The following PCDHGA3 variants were observed in gnomAD, a reference collection of about 807,000 sequenced individuals.
PCDHGA3 encodes protocadherin gamma-A3.
A neutral mutation model predicts 58.5 loss-of-function variants in PCDHGA3; 40 were observed. The observed-to-expected ratio is 0.68, with a 90% CI of 0.53 to 0.89. The LOEUF (loss-of-function observed/expected upper bound fraction) is 0.89. Ranked by LOEUF, PCDHGA3 falls within the 40% of genes least tolerant of loss-of-function variation. PCDHGA3 has a pLI of 0.00. For missense variants in PCDHGA3, 1,223 were observed against 1,195.9 expected (o/e 1.02, Z -0.33); for synonymous variants, 530 against 525.7 (o/e 1.01, Z -0.11).
At position 141,431,260 on chromosome 5, in the gene PCDHGA3, G is replaced by A. The variant is rs762250032; in HGVS notation, c.2425-63547G>A. The A allele has an allele frequency of 6.2e-7, 1 of 1,614,170 alleles. No individual in the cohort carries two copies. The highest frequency in any genetic ancestry group is 2.2e-5 in the East Asian group (1 of 44,892). On this transcript the variant is annotated intron_variant, in intron 1 of 3. Coordinates refer to ENST00000253812, the MANE Select transcript of PCDHGA3 (RefSeq NM_018916.4). The surrounding 1 kb of genome is among the most constrained non-coding windows in gnomAD (Gnocchi z 4.8). The stretch of plus-strand genomic sequence containing the variant: ...ATCCGGATATCGGGAAGAACTCTCT[G>A]CAGAGCTACGAGCTCAGCCCGAACA...
At chr5:141,434,338 G>A (rs1037038534) in intron 1 of PCDHGA3, among the ~76,000 whole-genome samples, 5 of 152,086 alleles carry the variant, frequency 3.3e-5, no homozygotes, top group East Asian at 1.9e-4. Context: ...TCTTTGTGTC[G>A]GGAACAGGCC....
At chr5:141,458,803 G>A (rs2098953701) in intron 1 of PCDHGA3, among the ~76,000 whole-genome samples, 2 of 152,130 alleles carry the variant, frequency 1.3e-5, no homozygotes, top group African/African-American at 4.8e-5. Flanking sequence ...TGTGATCTCA[G>A]CTCACTGCAA....
chr5:141,497,062 A>C (rs779414748), intron 2 of PCDHGA3, among the ~76,000 whole-genome samples: 6 of 152,024 alleles, frequency 3.9e-5, no homozygotes, highest in Non-Finnish European at 7.4e-5. Flanking sequence ...GGTGGCAGGC[A>C]CCTGTAATCC....
At chr5:141,351,400 C>G (rs377527142) in intron 1 of PCDHGA3, 1 of 1,611,298 alleles carries the variant, frequency 6.2e-7, no homozygotes, top group African/African-American at 1.3e-5. Flanking sequence ...TGGTGACATG[C>G]TATACTCAGG....
At chr5:141,463,610 G>A (rs189991450) in intron 1 of PCDHGA3, among the ~76,000 whole-genome samples, 2 of 151,672 alleles carry the variant, frequency 1.3e-5, no homozygotes, top group Admixed American at 6.6e-5. Flanking sequence ...CACCATGCCC[G>A]GCTAATTTTT....
At chr5:141,419,663 G>A in intron 1 of PCDHGA3, 1 of 1,612,826 alleles carries the variant, frequency 6.2e-7, no homozygotes, top group Non-Finnish European at 8.5e-7. Flanking sequence ...GGGGCACAAT[G>A]CCTGGCTGTC....
intron 1 of PCDHGA3, among the ~76,000 whole-genome samples, chr5:141,488,854 A>G (rs923370040): frequency 1.3e-5 from 2 of 152,226 alleles, no homozygotes; most frequent in Admixed American, 1.3e-4. Context: ...AACCTGCAGC[A>G]CGAAGTGAGT....
chr5:141,345,321 C>T lies in PCDHGA3; in HGVS notation c.1288C>T (p.Pro430Ser). 6.2e-7 allele frequency: 1 copy of T among 1,613,972 alleles called. No homozygotes were observed. The highest frequency in any genetic ancestry group is 1.1e-5 in the South Asian group (1 of 91,080). The change falls in exon 1 of 4, where the codon CCG becomes TCG. Residue 430 changes from proline (P) to serine (S), a missense_variant. This residue lies in a region of PCDHGA3 where 791 missense variants were observed against 708.5 expected (regional missense o/e 1.12). Coordinates refer to ENST00000253812, the MANE Select transcript of PCDHGA3 (RefSeq NM_018916.4). ...ISLRASDGGS[P>S]PLSTETHITL... is the part of the protein sequence containing the mutation. ...TCTGAGAGCCTCAGATGGGGGAAGC[C>T]CGCCACTGTCCACAGAAACTCACAT...
intron 1 of PCDHGA3, among the ~76,000 whole-genome samples, chr5:141,465,486 G>C (rs1221398075): frequency 6.6e-6 from 1 of 152,216 alleles, no homozygotes; most frequent in African/African-American, 2.4e-5. Flanking sequence ...TGAGAGGAAT[G>C]AGCGGGAGCA....
At chr5:141,461,501 T>A (rs113852528) in intron 1 of PCDHGA3, among the ~76,000 whole-genome samples, 4 of 152,310 alleles carry the variant, frequency 2.6e-5, no homozygotes, top group South Asian at 2.1e-4. Context: ...TTATTTTTCT[T>A]GGTGATTTGT....
chr5:141,403,809 A>C (rs1242181843), intron 1 of PCDHGA3: 1 of 1,613,904 alleles, frequency 6.2e-7, no homozygotes, highest in South Asian at 1.1e-5. Flanking sequence ...AAAATTAATG[A>C]AAAACAATCT....
At chr5:141,357,628 C>G in intron 1 of PCDHGA3, 1 of 1,613,256 alleles carries the variant, frequency 6.2e-7, no homozygotes, top group Middle Eastern at 1.7e-4. Context: ...TCAGGTGAGT[C>G]AATCTTATAA....
At chr5:141,424,547 T>A (rs1484479408) in intron 1 of PCDHGA3, 2 of 152,238 alleles carry the variant, frequency 1.3e-5, no homozygotes, top group African/African-American at 4.8e-5. Flanking sequence ...AACTTGATTT[T>A]GATTCAGTGC....
chr5:141,498,104 C>T (rs530844708), intron 2 of PCDHGA3, among the ~76,000 whole-genome samples: 2 of 152,106 alleles, frequency 1.3e-5, no homozygotes, highest in African/African-American at 4.8e-5. Context: ...GTGGTGTGGG[C>T]GTATAATAGG....
chr5:141,490,730 A>C lies in PCDHGA3; in HGVS notation c.2425-4077A>C. On this transcript the variant is annotated intron_variant, in intron 1 of 3. Coordinates refer to ENST00000253812, the MANE Select transcript of PCDHGA3 (RefSeq NM_018916.4). This position sits in a 1 kb window ranked among gnomAD's most constrained non-coding sequence, Gnocchi z 5.4. ...CTCACCTACTCCATTGTAGGAAATC[A>C]GGTTCAGGGAGCCCCAGCCTCCTCC... 6.2e-7 allele frequency: 1 copy of C among 1,614,188 alleles called. No homozygotes were observed. Among genetic ancestry groups the C allele is most frequent in the Non-Finnish European group, 8.5e-7 (1 of 1,180,024 alleles).
At chr5:141,408,608 A>C in intron 1 of PCDHGA3, 1 of 1,614,072 alleles carries the variant, frequency 6.2e-7, no homozygotes, top group South Asian at 1.1e-5. Context: ...ATTTGATAAA[A>C]AGGAAATACA....
chr5:141,379,025 A>T (rs1320260929), intron 1 of PCDHGA3: 4 of 152,244 alleles, frequency 2.6e-5, no homozygotes, highest in African/African-American at 9.6e-5. Flanking sequence ...GAGTTGGAAG[A>T]TTCTACAATC....
chr5:141,356,695 G>T, intron 1 of PCDHGA3: 2 of 1,614,004 alleles, frequency 1.2e-6, no homozygotes, highest in Non-Finnish European at 1.7e-6. Context: ...CTTCCAGGGT[G>T]CACCTCTGTC....
chr5:141,357,387 C>A, intron 1 of PCDHGA3: 1 of 1,614,218 alleles, frequency 6.2e-7, no homozygotes, highest in Non-Finnish European at 8.5e-7. Flanking sequence ...ACGCTGAAGG[C>A]AGCAGGTTGG....
Sources: gnomAD v4.1 joint callset for allele counts (sites outside exome capture counted in the v4.1 genomes callset) on GRCh38, gnomAD v4.1.1 for gene constraint, gnomAD v4.1.1 regional missense constraint, Gnocchi (gnomAD v3.1) non-coding constraint, MANE v1.5 for transcripts, NCBI Gene and HGNC (gene_info 2026-07-23, HGNC 2026-07-21) for gene names.